The following THAP6 variants were observed in gnomAD, a reference collection of about 807,000 sequenced individuals.
THAP6 encodes THAP domain containing 6.
A neutral mutation model predicts 20.0 loss-of-function variants in THAP6; 13 were observed. The observed-to-expected ratio is 0.65, with a 90% confidence interval of 0.42 to 1.03. The LOEUF (loss-of-function observed/expected upper bound fraction) is 1.03. Among genes scored for constraint, THAP6 ranks in the 50% least tolerant of loss-of-function variants. THAP6 has a pLI of 0.00. For synonymous variants in THAP6, 93 were observed against 92.2 expected (o/e 1.01, Z -0.05); for missense variants, 262 against 261.6 (o/e 1.00, Z -0.01).
Position 75,529,342 on chromosome 4 carries a change from G to T in THAP6, c.*2128G>T. On this transcript the variant is annotated 3_prime_UTR_variant, in exon 5 of 5. Coordinates refer to ENST00000311638, the MANE Select transcript of THAP6 (RefSeq NM_144721.6). ...AGACCTTTCCAAGAGTAAAATCCCA[G>T]TCTGCCACTATCAAAATTGCCACAG... is the stretch of plus-strand genomic sequence containing the variant. The T allele has an allele frequency of 1.0e-6, 1 of 985,376 alleles. No individual in the cohort carries two copies. The highest frequency in any genetic ancestry group is 1.2e-6 in the Non-Finnish European group (1 of 829,926). 61.0% of individuals were successfully genotyped at this position (985,376 alleles called of 1,614,324 possible).
Position 75,521,829 on chromosome 4 carries a change from T to C in THAP6, c.382T>C (p.Cys128Arg), listed in dbSNP as rs755148803. 26 of 1,613,546 alleles carry C rather than the reference T, an allele frequency of 1.6e-5. No homozygotes were observed. The East Asian group carries it at 5.1e-4, about 32-fold the overall frequency. ...TCACCATCTTGTTGGTGCTTCCTCA[T>C]GTATTGAAGAATTCCAATCCCAGTT... ...YNHHLVGASS[C>R]IEEFQSQFIF... The change falls in exon 4 of 5, where the codon TGT becomes CGT. Residue 128 changes from cysteine to arginine, a missense_variant. By Grantham distance (180) the Cys-to-Arg change is radical. Transcript: ENST00000311638.
chr4:75,516,671 A>T, intron 2 of THAP6, 101 bp from the exon 3 acceptor site: 2 of 870,494 alleles, frequency 2.3e-6, no homozygotes, highest in Non-Finnish European at 3.5e-6. Context: ...CTAATAAACT[A>T]GTTAACGAAT....
At chr4:75,537,328 C>T (rs1228816350) in intron 2 of THAP6, among the ~76,000 whole-genome samples, 1 of 152,162 alleles carries the variant, frequency 6.6e-6, no homozygotes, top group African/African-American at 2.4e-5. Context: ...ATTGTACTCC[C>T]ATAATTCCCA....
Position 75,528,832 on chromosome 4 carries a change from T to C in THAP6, c.*1618T>C. ...GGGAGGCCAAGGCAGGCAGATCACT[T>C]GAGGTCAGGGGTTCAAAACCAGCCT... On this transcript the variant is annotated 3_prime_UTR_variant, in exon 5 of 5. Coordinates refer to ENST00000311638, the MANE Select transcript of THAP6 (RefSeq NM_144721.6). 1.1e-6 allele frequency: 1 copy of C among 935,174 alleles called. No individual in the cohort carries two copies. The highest frequency in any genetic ancestry group is 1.3e-6 in the Non-Finnish European group (1 of 784,904). The allele number at this position is 935,174 out of a possible 1,614,324, so 57.9% of individuals were successfully genotyped here.
intron 3 of THAP6, among the ~76,000 whole-genome samples, chr4:75,519,791 G>A (rs1242018083): frequency 3.3e-5 from 5 of 151,600 alleles, no homozygotes; most frequent in Admixed American, 2.0e-4. Context: ...ATAAACATAC[G>A]TGTGCATGTG....
intron 4 of THAP6, among the ~76,000 whole-genome samples, chr4:75,525,856 C>T (rs1178187888): frequency 6.6e-6 from 1 of 152,172 alleles, no homozygotes; most frequent in Non-Finnish European, 1.5e-5. Context: ...AGTGGCTATA[C>T]CCTGTGAGCA....
At chr4:75,514,067 T>C, upstream of THAP6, 1 of 1,421,346 alleles carries the variant, frequency 7.0e-7, no homozygotes, top group Non-Finnish European at 9.5e-7. Flanking sequence ...AAGAACCCAG[T>C]TCCAGGTGGA....
chr4:75,532,544 T>A (rs1241996984), downstream of THAP6, among the ~76,000 whole-genome samples: 1 of 152,204 alleles, frequency 6.6e-6, no homozygotes, highest in Non-Finnish European at 1.5e-5. Context: ...CAGTGCCCAG[T>A]AGGGACTCTG....
chr4:75,528,091 A>G lies in THAP6; in HGVS notation c.*877A>G, dbSNP rs1726492859. Reference sequence around the variant, plus strand: ...GACATTTTAAAAAAATACAAAATACAAAAGAAACCATTAGAAATTAATAAC... The same window carrying G: ...GACATTTTAAAAAAATACAAAATACGAAAGAAACCATTAGAAATTAATAAC... On this transcript the variant is annotated 3_prime_UTR_variant, in exon 5 of 5. Transcript: ENST00000311638. 1 of 984,590 alleles carries G rather than the reference A, an allele frequency of 1.0e-6. No homozygotes were observed. Among genetic ancestry groups the G allele is most frequent in the Admixed American group, 6.1e-5 (1 of 16,272 alleles). The allele number at this position is 984,590 out of a possible 1,614,324, so 61.0% of individuals were successfully genotyped here.
At chr4:75,514,763 C>G (rs1725420946) in intron 1 of THAP6, 1 of 158,546 alleles carries the variant, frequency 6.3e-6, no homozygotes, top group Non-Finnish European at 1.4e-5. Context: ...GCGCGCTGCT[C>G]TTGGACGCCA....
chr4:75,514,022 G>T, upstream of THAP6: 1 of 940,254 alleles, frequency 1.1e-6, no homozygotes, highest in Non-Finnish European at 1.5e-6. Context: ...AGGAAAGGTG[G>T]GGCTTATCGC....
At chr4:75,514,267 T>C, upstream of THAP6, 2 of 1,612,540 alleles carry the variant, frequency 1.2e-6, no homozygotes, top group Admixed American at 1.7e-5. Flanking sequence ...GGCGCCATCT[T>C]CCCGGGCCGT....
intron 4 of THAP6, among the ~76,000 whole-genome samples, chr4:75,523,072 A>G (rs1397679230): frequency 1.3e-5 from 2 of 152,194 alleles, no homozygotes; most frequent in Non-Finnish European, 2.9e-5. Flanking sequence ...CCGACAGTGT[A>G]CAGGGTTCCT....
At position 75,538,384 on chromosome 4, in the gene THAP6, G is replaced by GA. The variant is rs36044352; in HGVS notation, c.166-4011dup. On this transcript the variant is annotated intron_variant, in intron 2 of 4. Transcript: ENST00000502620. The stretch of plus-strand genomic sequence containing the variant: ...CTGTGTTTCACAGCCTCAGTATTGT[G>GA]AAAAAAAAAAAAAACAGGAACATAA... Among the ~76,000 whole-genome samples the GA allele has an allele frequency of 7.9e-3, 1,116 of 140,468 alleles. 11 individuals are homozygous for GA. The highest frequency in any genetic ancestry group is 0.021 in the African/African-American group (789 of 38,440). The allele number at this position is 140,468 out of a possible 152,430, so 92.2% of individuals were successfully genotyped here.
chr4:75,516,897 C>G lies in THAP6; in HGVS notation c.206C>G (p.Thr69Arg). ...DVLCSRHFKKTDFDRSAPNIK... is the reference protein window; with the variant it reads ...DVLCSRHFKKRDFDRSAPNIK... ...TTGTGTTCGAGGCACTTTAAGAAGA[C>G]AGATTTTGACAGAAGTGCTCCAAAT... The change falls in exon 3 of 5, where the codon ACA becomes AGA. Residue 69 changes from threonine to arginine, a missense_variant. Thr to Arg is a moderately conservative substitution (Grantham distance 71, BLOSUM62 -1). Coordinates refer to ENST00000311638, the MANE Select transcript of THAP6 (RefSeq NM_144721.6). 1.2e-6 allele frequency: 2 copies of G among 1,613,840 alleles called. No homozygotes were observed. Among genetic ancestry groups the G allele is most frequent in the African/African-American group, 1.3e-5 (1 of 74,952 alleles).
At chr4:75,530,223 C>T (rs529484850), downstream of THAP6, among the ~76,000 whole-genome samples, 27 of 152,234 alleles carry the variant, frequency 1.8e-4, no homozygotes, top group Middle Eastern at 6.8e-3. Context: ...TCTGCATTGG[C>T]CCTCACTCAA....
chr4:75,536,420 T>C (rs1297217594), intron 2 of THAP6, among the ~76,000 whole-genome samples: 1 of 152,030 alleles, frequency 6.6e-6, no homozygotes, highest in African/African-American at 2.4e-5. Flanking sequence ...GCTGAGATCA[T>C]GCCATTGCAC....
rs529738790 is a variant in THAP6 at position 75,528,659 on chromosome 4, G to T, written c.*1445G>T. On this transcript the variant is annotated 3_prime_UTR_variant, in exon 5 of 5. Coordinates refer to ENST00000311638, the MANE Select transcript of THAP6 (RefSeq NM_144721.6). ...GATTCCAAACCTTCCCTCTAAATGG[G>T]ATTTAACCCACATCTGCGAGATCAG... The T allele has an allele frequency of 1.1e-5, 11 of 984,684 alleles. No homozygotes were observed. In the South Asian group the frequency reaches 3.8e-4, roughly 34 times the overall value. The allele number at this position is 984,684 out of a possible 1,614,324, so 61.0% of individuals were successfully genotyped here. A position where few individuals can be genotyped will look rare whatever the true frequency, so the allele number is the denominator to read the frequency against.
intron 4 of THAP6, among the ~76,000 whole-genome samples, chr4:75,523,916 T>C (rs1428780228): frequency 6.6e-6 from 1 of 152,214 alleles, no homozygotes; most frequent in Non-Finnish European, 1.5e-5. Flanking sequence ...TTTAATTCTT[T>C]AATCCATTTT....
Sources: allele counts gnomAD v4.1 joint callset (sites outside exome capture counted in the v4.1 genomes callset), GRCh38; gene constraint gnomAD v4.1.1; transcripts MANE v1.5; gene names NCBI Gene and HGNC (gene_info 2026-07-23, HGNC 2026-07-21).